SDK1: variants seen among roughly 807,000 people sequenced by gnomAD.
The protein encoded by SDK1 is protein sidekick-1.
In SDK1, 157 loss-of-function variants were observed where a neutral mutation model predicts 245.5. The observed-to-expected ratio is 0.64, with a 90% CI of 0.56 to 0.73. SDK1 has a LOEUF of 0.73. SDK1 is among the 30% of genes least tolerant of loss of function. SDK1 has a pLI of 0.00. For synonymous variants in SDK1, 1,647 were observed against 1,278.5 expected (o/e 1.29, Z -6.15); for missense variants, 3,583 against 3,002.3 (o/e 1.19, Z -4.52).
At chr7:4,238,932 C>T (rs981479063) in intron 42 of SDK1, among the ~76,000 whole-genome samples, 2 of 152,068 alleles carry the variant, frequency 1.3e-5, no homozygotes, top group African/African-American at 4.8e-5. Flanking sequence ...AACACAGTGA[C>T]CTGGGGCACT....
intron 1 of SDK1, among the ~76,000 whole-genome samples, chr7:3,563,676 A>G (rs752003931): frequency 3.3e-5 from 5 of 152,182 alleles, no homozygotes; most frequent in Non-Finnish European, 5.9e-5. Context: ...GGTGGAGAAA[A>G]CTTGAAAAAT....
chr7:3,556,932 C>G (rs950666304), intron 1 of SDK1, among the ~76,000 whole-genome samples: 1 of 152,084 alleles, frequency 6.6e-6, no homozygotes, highest in Non-Finnish European at 1.5e-5. Context: ...ATGTCTGTAT[C>G]ACAATATCTC....
chr7:3,959,672 G>T (rs1391914013), intron 8 of SDK1, among the ~76,000 whole-genome samples: 1 of 152,186 alleles, frequency 6.6e-6, no homozygotes, highest in Non-Finnish European at 1.5e-5. Context: ...GGCAGTCTTT[G>T]TCTTTCTGTG....
rs567536548 is a variant in SDK1 at position 3,685,925 on chromosome 7, A to T, written c.713+43820A>T. ...TCAATAATTATGTTAAATGTAACAGATCTAAATATACCAATTAAAATACCT... is the reference window on the plus strand; with the variant it reads ...TCAATAATTATGTTAAATGTAACAGTTCTAAATATACCAATTAAAATACCT... On this transcript the variant is annotated intron_variant, in intron 4 of 44. Transcript: ENST00000404826. Among the ~76,000 whole-genome samples, 18 of 152,274 alleles carry T rather than the reference A, an allele frequency of 1.2e-4. 1 individual carries two copies. In the South Asian group the frequency reaches 3.5e-3, roughly 30 times the overall value.
intron 22 of SDK1, among the ~76,000 whole-genome samples, chr7:4,105,601 G>A (rs916958781): frequency 4.6e-5 from 7 of 152,190 alleles, no homozygotes; most frequent in African/African-American, 1.4e-4. Context: ...CACCACGCCT[G>A]GCCTGGGAGT....
chr7:3,773,146 C>T (rs73672168), intron 4 of SDK1, among the ~76,000 whole-genome samples: 4 of 152,158 alleles, frequency 2.6e-5, no homozygotes, highest in South Asian at 2.1e-4. Flanking sequence ...CTTTCTCCCT[C>T]TCTTCTTTTT....
chr7:4,107,863 G>A (rs973986724), intron 22 of SDK1, among the ~76,000 whole-genome samples: 1 of 152,206 alleles, frequency 6.6e-6, no homozygotes, highest in Non-Finnish European at 1.5e-5. Context: ...GGCCTGTAAG[G>A]TGTCGTGAGC....
At chr7:3,606,544 A>T (rs1781431922) in intron 1 of SDK1, among the ~76,000 whole-genome samples, 2 of 152,088 alleles carry the variant, frequency 1.3e-5, no homozygotes, top group African/African-American at 2.4e-5. Flanking sequence ...ACTGCACTTC[A>T]TCCACCCTGG....
intron 1 of SDK1, among the ~76,000 whole-genome samples, chr7:3,384,950 C>T (rs190385898): frequency 6.6e-6 from 1 of 152,302 alleles, no homozygotes; most frequent in Admixed American, 6.5e-5. Flanking sequence ...GCCCTGCTGC[C>T]TTCTTCAGGA....
chr7:3,312,269 C>T (rs565018902), intron 1 of SDK1, among the ~76,000 whole-genome samples: 138 of 152,198 alleles, frequency 9.1e-4, no homozygotes, highest in South Asian at 8.7e-3. Flanking sequence ...TGAAACTGAC[C>T]TGCAGAGCAA....
Position 4,139,537 on chromosome 7 carries a change from A to G in SDK1, c.4229-6185A>G, listed in dbSNP as rs13311640. 5.9e-3 allele frequency among the ~76,000 whole-genome samples: 29 copies of G among 4,944 alleles called. 1 individual carries two copies. Among genetic ancestry groups the G allele is most frequent in the South Asian group, 0.018 (2 of 112 alleles). 3.2% of individuals were successfully genotyped at this position (4,944 alleles called of 152,430 possible). A position where few individuals can be genotyped will look rare whatever the true frequency, so the allele number is the denominator to read the frequency against. ...TATATGTGTGTGTATGTGTGTGTGT[A>G]TATATGTGTGTGTATATGTATATAT... On this transcript the variant is annotated intron_variant, in intron 28 of 44. Transcript: ENST00000404826.
intron 1 of SDK1, among the ~76,000 whole-genome samples, chr7:3,395,671 A>G (rs1781878704): frequency 6.6e-6 from 1 of 151,924 alleles, no homozygotes; most frequent in Admixed American, 6.6e-5. Context: ...TAATTTTTGT[A>G]CTTGCTGTAG....
At chr7:4,138,001 T>G (rs1779208661) in intron 28 of SDK1, among the ~76,000 whole-genome samples, 1 of 152,204 alleles carries the variant, frequency 6.6e-6, no homozygotes, top group Non-Finnish European at 1.5e-5. Flanking sequence ...CTATAGGCAT[T>G]CATCTTTATG....
intron 35 of SDK1, among the ~76,000 whole-genome samples, chr7:4,195,032 C>T (rs1343352814): frequency 2.0e-5 from 3 of 152,072 alleles, no homozygotes; most frequent in African/African-American, 7.3e-5. Flanking sequence ...TAACCCATGC[C>T]ACTGAAACCA....
rs562125468 is a variant in SDK1 at position 4,224,678 on chromosome 7, G to T, written c.5827+3314G>T. Among the ~76,000 whole-genome samples the T allele has an allele frequency of 1.1e-4, 16 of 152,158 alleles. No homozygotes were observed. The East Asian group carries it at 2.9e-3, about 28-fold the overall frequency. On this transcript the variant is annotated intron_variant, in intron 40 of 44. Transcript: ENST00000404826. Reference sequence around the variant, plus strand: ...CTGAGAAAGTGTCCTTGAGCCAACAGATCGCCACAGGGACCCATGGTGCCG... The same window carrying T: ...CTGAGAAAGTGTCCTTGAGCCAACATATCGCCACAGGGACCCATGGTGCCG...
intron 22 of SDK1, among the ~76,000 whole-genome samples, chr7:4,091,982 G>A (rs1781833735): frequency 1.3e-5 from 2 of 152,088 alleles, no homozygotes; most frequent in East Asian, 1.9e-4. Context: ...GAAAGACATC[G>A]TGACAAGCAG....
intron 4 of SDK1, among the ~76,000 whole-genome samples, chr7:3,670,078 C>T (rs1783650328): frequency 6.6e-6 from 1 of 152,170 alleles, no homozygotes; most frequent in South Asian, 2.1e-4. Context: ...CCACCTCTGC[C>T]ACCATTCCTG....
intron 15 of SDK1, among the ~76,000 whole-genome samples, chr7:4,011,501 T>C (rs1435551056): frequency 6.6e-6 from 1 of 152,198 alleles, no homozygotes; most frequent in Admixed American, 6.5e-5. Flanking sequence ...TAGCATGCTG[T>C]TAAGGGAAGC....
intron 1 of SDK1, among the ~76,000 whole-genome samples, chr7:3,379,890 C>G (rs73671809): frequency 0.12 from 18,807 of 152,108 alleles, 1,422 homozygotes; most frequent in African/African-American, 0.21. Context: ...TTGGGATGCT[C>G]AGCTAGTTGA....
Sources: allele counts gnomAD v4.1 joint callset (sites outside exome capture counted in the v4.1 genomes callset), GRCh38; gene constraint gnomAD v4.1.1; transcripts MANE v1.5; gene names NCBI Gene and HGNC (gene_info 2026-07-23, HGNC 2026-07-21).